Variants in GABBR2 observed in about 807,000 individuals in gnomAD.
GABBR2 encodes gamma-aminobutyric acid type B receptor subunit 2.
Under a neutral mutation model 105.6 loss-of-function variants are expected in GABBR2, and 23 were observed. The observed-to-expected ratio is 0.22, with a 90% confidence interval of 0.16 to 0.31. The LOEUF (loss-of-function observed/expected upper bound fraction) is 0.31, where lower values mean the gene tolerates loss of function less well. GABBR2 is among the 10% of genes least tolerant of loss of function. GABBR2 has a pLI of 1.00. For synonymous variants in GABBR2, 478 were observed against 499.7 expected (o/e 0.96, Z 0.58); for missense variants, 734 against 1,245.5 (o/e 0.59, Z 6.18).
chr9:98,537,748 T>A (rs1383553962), intron 3 of GABBR2, among the ~76,000 whole-genome samples: 1 of 152,058 alleles, frequency 6.6e-6, no homozygotes, highest in East Asian at 1.9e-4. Flanking sequence ...ACATAAAAAA[T>A]TTATAAAAAA....
intron 1 of GABBR2, among the ~76,000 whole-genome samples, chr9:98,684,986 A>G (rs1193908930): frequency 6.6e-6 from 1 of 152,192 alleles, no homozygotes; most frequent in African/African-American, 2.4e-5. Flanking sequence ...GCAAAGTATC[A>G]TTCCTGGGTG....
At chr9:98,552,772 C>T (rs1013628908) in intron 2 of GABBR2, among the ~76,000 whole-genome samples, 14 of 152,178 alleles carry the variant, frequency 9.2e-5, no homozygotes, top group African/African-American at 3.1e-4. Context: ...GGGCTAGAAC[C>T]TCTTGGGGAA....
chr9:98,335,473 A>G (rs1350681229), intron 13 of GABBR2, among the ~76,000 whole-genome samples: 2 of 152,218 alleles, frequency 1.3e-5, no homozygotes, highest in Non-Finnish European at 2.9e-5. Context: ...TCTGGACCAG[A>G]GAATCTCAAC....
chr9:98,627,923 G>A (rs1829767021), intron 1 of GABBR2, among the ~76,000 whole-genome samples: 2 of 152,204 alleles, frequency 1.3e-5, no homozygotes, highest in Admixed American at 1.3e-4. Flanking sequence ...AAATTGGCGT[G>A]TTCAATTGGG....
chr9:98,661,299 A>T (rs1830258544), intron 1 of GABBR2, among the ~76,000 whole-genome samples: 1 of 152,184 alleles, frequency 6.6e-6, no homozygotes, highest in Non-Finnish European at 1.5e-5. Context: ...GGACATCTTG[A>T]GGCGAGGCAT....
rs115366673 is a variant in GABBR2, at chr9:98,317,132, G to A, written c.1894-5927C>T. On this transcript the variant is annotated intron_variant, in intron 13 of 18. Coordinates refer to ENST00000259455, the MANE Select transcript of GABBR2 (RefSeq NM_005458.8). Reference sequence around the variant, plus strand: ...CCCAGAGCTTTAGGGTGAAGGCTGCGCTTTGGTGCTGCGAGCTGAACTCAG... The same window carrying A: ...CCCAGAGCTTTAGGGTGAAGGCTGCACTTTGGTGCTGCGAGCTGAACTCAG... 5.6e-3 allele frequency among the ~76,000 whole-genome samples: 853 copies of A among 152,298 alleles called. 7 individuals carry two copies. The highest frequency in any genetic ancestry group is 0.017 in the African/African-American group (712 of 41,552).
chr9:98,371,228 G>T (rs1420399502), intron 12 of GABBR2, among the ~76,000 whole-genome samples: 1 of 152,104 alleles, frequency 6.6e-6, no homozygotes, highest in Admixed American at 6.5e-5. Context: ...AGCCTCCCTT[G>T]AGTGTTTCGT....
chr9:98,684,190 A>AAAAAAAAT (rs1830592485), intron 1 of GABBR2, among the ~76,000 whole-genome samples: 1 of 148,608 alleles, frequency 6.7e-6, no homozygotes, highest in Non-Finnish European at 1.5e-5. Flanking sequence ...AAAAAAAAAA[A>AAAAAAAAT]AAAAATTGGT....
chr9:98,411,711 G>C (rs1026934558), intron 7 of GABBR2, among the ~76,000 whole-genome samples: 2 of 152,090 alleles, frequency 1.3e-5, no homozygotes, highest in Admixed American at 6.5e-5. Context: ...ATAGGTGCTT[G>C]TCACCACAAC....
rs568186703 is a variant in GABBR2, at chr9:98,372,971, C to CT, written c.1663-1401dup. Among the ~76,000 whole-genome samples, 77 of 139,346 alleles carry CT rather than the reference C, an allele frequency of 5.5e-4. No homozygotes were observed. In the East Asian group the frequency reaches 0.01, roughly 18 times the overall value. The allele number at this position is 139,346 out of a possible 152,430, so 91.4% of individuals were successfully genotyped here. ...CTATTTTCTTTTTCTTTTTCTTTTT[C>CT]TTTTTTTTTAATTTCACAAACAAGG... On this transcript the variant is annotated intron_variant, in intron 11 of 18. Coordinates refer to ENST00000259455, the MANE Select transcript of GABBR2 (RefSeq NM_005458.8).
chr9:98,472,936 CTTACCTCA>C (rs1268098109), intron 6 of GABBR2, among the ~76,000 whole-genome samples: 1 of 152,122 alleles, frequency 6.6e-6, no homozygotes, highest in African/African-American at 2.4e-5. Flanking sequence ...TCACAATATC[CTTACCTCA>C]TTTGGGTCTC....
Position 98,290,730 on chromosome 9 carries a change from G to A in GABBR2, c.2680C>T (p.Leu894Phe). 6.7e-7 allele frequency: 1 copy of A among 1,489,368 alleles called. No homozygotes were observed. The highest frequency in any genetic ancestry group is 2.7e-5 in the East Asian group (1 of 36,482). 92.3% of individuals were successfully genotyped at this position (1,489,368 alleles called of 1,614,324 possible). Residue 894 changes from leucine (L) to phenylalanine (F), a missense_variant, in exon 19 of 19, where the codon CTC becomes TTC. This residue lies in a region of GABBR2 where 134 missense variants were observed against 171.2 expected (regional missense o/e 0.78). Transcript: ENST00000259455. The stretch of plus-strand genomic sequence containing the variant: ...GCGTGGTGGAGGATGGGGAGCTGGA[G>A]GGACAGCCGACGCTGGATGCTGAAG... ...SPEHIQRRLS[L>F]QLPILHHAYL...
rs192523594 is a variant in GABBR2 at position 98,546,986 on chromosome 9, T to G, written c.460-4943A>C. 2.5e-3 allele frequency among the ~76,000 whole-genome samples: 306 copies of G among 120,878 alleles called. 93 individuals are homozygous for G. The highest frequency in any genetic ancestry group is 0.012 in the Middle Eastern group (3 of 252). 79.3% of individuals were successfully genotyped at this position (120,878 alleles called of 152,430 possible). A position where few individuals can be genotyped will look rare whatever the true frequency, so the allele number is the denominator to read the frequency against. On this transcript the variant is annotated intron_variant, in intron 2 of 18. Coordinates refer to ENST00000259455, the MANE Select transcript of GABBR2 (RefSeq NM_005458.8). ...TGTTGCACTGACACACGGCAGAATT[T>G]GGCTGGGCATGAAATTCTTGGGCTA...
intron 8 of GABBR2, among the ~76,000 whole-genome samples, chr9:98,405,859 C>T (rs1395499383): frequency 4.6e-5 from 7 of 152,122 alleles, no homozygotes; most frequent in Non-Finnish European, 8.8e-5. Context: ...AATCAACAGA[C>T]GTGGAACCCA....
At chr9:98,340,972 C>G (rs1306570000) in intron 13 of GABBR2, among the ~76,000 whole-genome samples, 20 of 152,374 alleles carry the variant, frequency 1.3e-4, no homozygotes, top group Non-Finnish European at 2.2e-4. Flanking sequence ...TTGAGAATTT[C>G]TAGCAAACAG....
intron 1 of GABBR2, among the ~76,000 whole-genome samples, chr9:98,600,031 T>C (rs896007717): frequency 1.3e-5 from 2 of 152,146 alleles, no homozygotes; most frequent in African/African-American, 4.8e-5. Context: ...TTGCTGAAGC[T>C]GGGGGATGGG....
At chr9:98,520,243 T>TG (rs1419728761) in intron 3 of GABBR2, among the ~76,000 whole-genome samples, 1 of 152,160 alleles carries the variant, frequency 6.6e-6, no homozygotes, top group Non-Finnish European at 1.5e-5. Context: ...GCCATGGGAT[T>TG]GGGGGAAGGA....
At chr9:98,522,830 C>G (rs1229208760) in intron 3 of GABBR2, among the ~76,000 whole-genome samples, 1 of 152,066 alleles carries the variant, frequency 6.6e-6, no homozygotes, top group Admixed American at 6.5e-5. Flanking sequence ...AAGTGAACAT[C>G]TCAAATAGCA....
intron 7 of GABBR2, among the ~76,000 whole-genome samples, chr9:98,430,532 C>T (rs1314085650): frequency 1.3e-5 from 2 of 152,098 alleles, no homozygotes; most frequent in Admixed American, 6.6e-5. Flanking sequence ...ATGAACTATT[C>T]CCAGGCCTGC....
Sources: allele counts gnomAD v4.1 joint callset (sites outside exome capture counted in the v4.1 genomes callset), GRCh38; gene constraint gnomAD v4.1.1; regional missense constraint gnomAD v4.1.1; transcripts MANE v1.5; gene names NCBI Gene and HGNC (gene_info 2026-07-23, HGNC 2026-07-21).